The following SRGAP1 variants were observed in gnomAD, a reference collection of about 807,000 sequenced individuals.
The protein encoded by SRGAP1 is SLIT-ROBO Rho GTPase activating protein 1.
In SRGAP1, 43 loss-of-function variants were observed where a neutral mutation model predicts 121.9. That is an observed-to-expected ratio of 0.35 (90% CI 0.28 to 0.46). SRGAP1 has a LOEUF of 0.46. Among genes scored for constraint, SRGAP1 ranks in the 20% least tolerant of loss-of-function variants. SRGAP1 has a pLI of 1.00. For synonymous variants in SRGAP1, 447 were observed against 485.4 expected, an observed-to-expected ratio of 0.92 and a Z score of 1.04; for missense variants, 1,102 against 1,350.9, an observed-to-expected ratio of 0.82 and a Z score of 2.89.
chr12:63,895,189 G>T (rs1347890162), intron 1 of SRGAP1, among the ~76,000 whole-genome samples: 1 of 152,094 alleles, frequency 6.6e-6, no homozygotes, highest in East Asian at 1.9e-4. Context: ...ATATGGCTTG[G>T]TAGCTTAATA....
intron 1 of SRGAP1, among the ~76,000 whole-genome samples, chr12:63,902,075 G>T (rs2029961636): frequency 6.6e-6 from 1 of 152,190 alleles, no homozygotes; most frequent in African/African-American, 2.4e-5. Flanking sequence ...AGTACTTTGG[G>T]AGGCTGAGGT....
chr12:63,973,784 A>G (rs1030793549), intron 1 of SRGAP1, among the ~76,000 whole-genome samples: 3 of 152,158 alleles, frequency 2.0e-5, no homozygotes, highest in Admixed American at 2.0e-4. Flanking sequence ...ATATTTTCCC[A>G]AAAAAGTTTT....
intron 1 of SRGAP1, among the ~76,000 whole-genome samples, chr12:63,977,962 C>T (rs2033137140): frequency 6.6e-6 from 1 of 152,124 alleles, no homozygotes; most frequent in South Asian, 2.1e-4. Flanking sequence ...AGTTTTGGGG[C>T]ATTCATGGTG....
intron 6 of SRGAP1, among the ~76,000 whole-genome samples, chr12:64,056,549 CAAAAA>C (rs1273579087): frequency 1.7e-5 from 1 of 60,060 alleles, no homozygotes; most frequent in Non-Finnish European, 3.7e-5. Flanking sequence ...TGAGACTCCA[CAAAAA>C]AAAAAAAAAA....
At chr12:63,952,966 C>T (rs984141868) in intron 1 of SRGAP1, among the ~76,000 whole-genome samples, 3 of 152,162 alleles carry the variant, frequency 2.0e-5, no homozygotes, top group African/African-American at 4.8e-5. Flanking sequence ...ACTTTTTAAA[C>T]ACTTTGCATG....
At chr12:63,911,990 A>G (rs1478220463) in intron 1 of SRGAP1, among the ~76,000 whole-genome samples, 2 of 152,198 alleles carry the variant, frequency 1.3e-5, no homozygotes, top group East Asian at 3.8e-4. Context: ...TTGGAGAAAT[A>G]GTGGAGGATG....
At chr12:63,942,854 A>T (rs1256357143) in intron 1 of SRGAP1, among the ~76,000 whole-genome samples, 2 of 152,268 alleles carry the variant, frequency 1.3e-5, no homozygotes, top group Non-Finnish European at 2.9e-5. Flanking sequence ...GCTTAACATT[A>T]AAAGTGCTCA....
In SRGAP1 at chr12:64,111,586, C is replaced by A. The variant is rs369800836; in HGVS notation, c.1920-176C>A. 1.3e-4 allele frequency among the ~76,000 whole-genome samples: 20 copies of A among 152,226 alleles called. No individual in the cohort carries two copies. In the East Asian group the frequency reaches 3.9e-3, roughly 29 times the overall value. On this transcript the variant is annotated intron_variant, in intron 16 of 21. Transcript: ENST00000355086. ...TAGTTAAGCAAATAGGACTTAGAATCCCCTCTCAATTTCTACTTAGTTAAG... is the reference window on the plus strand; with the variant it reads ...TAGTTAAGCAAATAGGACTTAGAATACCCTCTCAATTTCTACTTAGTTAAG...
chr12:64,004,692 G>A (rs1464077029), intron 3 of SRGAP1, among the ~76,000 whole-genome samples: 1 of 152,132 alleles, frequency 6.6e-6, no homozygotes, highest in African/African-American at 2.4e-5. Flanking sequence ...TTTTCAAAGA[G>A]GCATAGACAC....
chr12:63,984,198 C>A, intron 2 of SRGAP1, 56 bp downstream of exon 2: 2 of 1,015,864 alleles, frequency 2.0e-6, no homozygotes, highest in Non-Finnish European at 1.4e-6. Flanking sequence ...ACTGCCTTTG[C>A]CACCTTTGTG....
intron 6 of SRGAP1, among the ~76,000 whole-genome samples, chr12:64,045,799 C>T (rs529011758): frequency 1.3e-5 from 2 of 152,180 alleles, no homozygotes; most frequent in East Asian, 3.9e-4. Context: ...TTCTTTAATA[C>T]CTAAAAGGTG....
At chr12:63,957,929 G>T (rs2032524920) in intron 1 of SRGAP1, among the ~76,000 whole-genome samples, 1 of 152,158 alleles carries the variant, frequency 6.6e-6, no homozygotes. Context: ...TCTGCGGGGT[G>T]CTGAGTCTGG....
chr12:63,985,814 AACCCCTCTACCC>A (rs1203151870), intron 2 of SRGAP1, among the ~76,000 whole-genome samples: 2 of 152,124 alleles, frequency 1.3e-5, no homozygotes, highest in East Asian at 3.9e-4. Flanking sequence ...GTAAAACAGA[AACCCCTCTACCC>A]ACCTTCACAG....
In SRGAP1 at chr12:64,003,478, G is replaced by GAAAA. The variant is rs531819299; in HGVS notation, c.426+13424_426+13427dup. On this transcript the variant is annotated intron_variant, in intron 3 of 21. Coordinates refer to ENST00000355086, the MANE Select transcript of SRGAP1 (RefSeq NM_020762.4). ...ATGAATGGAAAGCCAGGAAGTTTCA[G>GAAAA]AAAAAAAAAAAAAAAAAAAAAGGTA... Among the ~76,000 whole-genome samples, 30 of 42,780 alleles carry GAAAA rather than the reference G, an allele frequency of 7.0e-4. 1 individual carries two copies. The highest frequency in any genetic ancestry group is 1.7e-3 in the African/African-American group (28 of 16,188). The allele number at this position is 42,780 out of a possible 152,430, so 28.1% of individuals were successfully genotyped here.
chr12:64,115,765 A>G (rs369926654), intron 17 of SRGAP1, 49 bp from the exon 18 acceptor site: 1 of 1,531,232 alleles, frequency 6.5e-7, no homozygotes, highest in East Asian at 2.4e-5. Flanking sequence ...TGTCTCAAAA[A>G]ATTTTTGTCT....
chr12:63,995,148 T>C (rs574163751), intron 3 of SRGAP1, among the ~76,000 whole-genome samples: 89 of 152,336 alleles, frequency 5.8e-4, no homozygotes, highest in African/African-American at 2.0e-3. Context: ...TTGAAGTCTG[T>C]CATTTCCCCA....
At chr12:63,906,914 T>G in intron 1 of SRGAP1, among the ~76,000 whole-genome samples, 1 of 151,812 alleles carries the variant, frequency 6.6e-6, no homozygotes, top group Middle Eastern at 3.4e-3. Flanking sequence ...CTCACTCTGA[T>G]ACCCAGGCTA....
chr12:64,126,177 A>C lies in SRGAP1; in HGVS notation c.2405+20A>C, dbSNP rs150419905. 1 of 1,604,274 alleles carries C rather than the reference A, an allele frequency of 6.2e-7. No individual in the cohort carries two copies. The highest frequency in any genetic ancestry group is 1.3e-5 in the African/African-American group (1 of 74,864). ...GGATATGTGAGTAGTCTCAACTTTG[A>C]TTGCCTGAGTGCTCCCAATAGAGGA... is the stretch of plus-strand genomic sequence containing the variant. On this transcript the variant is annotated intron_variant, in intron 19 of 21. Transcript: ENST00000355086.
chr12:63,910,919 G>C (rs2030462631), intron 1 of SRGAP1, among the ~76,000 whole-genome samples: 1 of 152,128 alleles, frequency 6.6e-6, no homozygotes, highest in Non-Finnish European at 1.5e-5. Context: ...CTAGAGTAGA[G>C]ATGTGGACAT....
Sources: gnomAD v4.1 joint callset for allele counts (sites outside exome capture counted in the v4.1 genomes callset) on GRCh38, gnomAD v4.1.1 for gene constraint, MANE v1.5 for transcripts, NCBI Gene and HGNC (gene_info 2026-07-23, HGNC 2026-07-21) for gene names.